The following TRABD2B variants were observed in gnomAD, a reference collection of about 807,000 sequenced individuals.
The protein encoded by TRABD2B is metalloprotease TIKI2.
In TRABD2B, 14 loss-of-function variants were observed where a neutral mutation model predicts 40.1. The observed-to-expected ratio is 0.35, with a 90% CI of 0.23 to 0.55. The LOEUF (loss-of-function observed/expected upper bound fraction) is 0.55, where lower values mean the gene tolerates loss of function less well. Among genes scored for constraint, TRABD2B ranks in the 20% least tolerant of loss-of-function variants. The pLI is 0.90. For synonymous variants in TRABD2B, 263 were observed against 277.0 expected, an observed-to-expected ratio of 0.95 and a Z score of 0.50; for missense variants, 541 against 648.6, an observed-to-expected ratio of 0.83 and a Z score of 1.80.
At chr1:47,852,322 T>G (rs937366196) in intron 2 of TRABD2B, among the ~76,000 whole-genome samples, 1 of 152,154 alleles carries the variant, frequency 6.6e-6, no homozygotes, top group Non-Finnish European at 1.5e-5. Flanking sequence ...AAGGCAGCCT[T>G]TGTTGCTGTT....
At position 47,778,491 on chromosome 1, in the gene TRABD2B, C is replaced by T; in HGVS notation, c.1042G>A (p.Glu348Lys). The change falls in exon 5 of 7, where the codon GAG becomes AAG. Residue 348 changes from glutamate (E) to lysine (K), a missense_variant. This residue lies in a region of TRABD2B where 369 missense variants were observed against 492.8 expected (regional missense o/e 0.75). Coordinates refer to ENST00000606738, the MANE Select transcript of TRABD2B (RefSeq NM_001194986.2). Reference protein sequence around the residue: ...VIDILRQAGLEVDHTPAGQAI... With the variant: ...VIDILRQAGLKVDHTPAGQAI... ...TGCCCGGCGGGTGTGTGGTCCACCTCCAGCCCTGCCTGCCGCAGGATGTCG... is the reference window on the plus strand; with the variant it reads ...TGCCCGGCGGGTGTGTGGTCCACCTTCAGCCCTGCCTGCCGCAGGATGTCG... 1 of 1,536,142 alleles carries T rather than the reference C, an allele frequency of 6.5e-7. No individual in the cohort carries two copies.
chr1:47,985,702 A>G (rs1169459059), intron 2 of TRABD2B, among the ~76,000 whole-genome samples: 1 of 152,242 alleles, frequency 6.6e-6, no homozygotes, highest in Admixed American at 6.5e-5. Flanking sequence ...AGTTCTTTCA[A>G]AAAACAATGC....
chr1:47,866,085 G>C (rs1557623398), intron 2 of TRABD2B, among the ~76,000 whole-genome samples: 2 of 152,018 alleles, frequency 1.3e-5, no homozygotes, highest in Non-Finnish European at 2.9e-5. Flanking sequence ...GAGCGCATTT[G>C]CACTGCCACT....
chr1:47,898,720 A>G (rs1644558331), intron 2 of TRABD2B, among the ~76,000 whole-genome samples: 1 of 152,162 alleles, frequency 6.6e-6, no homozygotes, highest in South Asian at 2.1e-4. Flanking sequence ...TTTGCTGCAC[A>G]AATGTTAATG....
At chr1:47,915,827 A>G (rs1384742972) in intron 2 of TRABD2B, among the ~76,000 whole-genome samples, 1 of 152,126 alleles carries the variant, frequency 6.6e-6, no homozygotes, top group Non-Finnish European at 1.5e-5. Context: ...GGAGCTGAAC[A>G]TGCAGGGTAA....
chr1:47,774,165 C>T (rs1044811955), intron 6 of TRABD2B, among the ~76,000 whole-genome samples: 6 of 152,096 alleles, frequency 3.9e-5, no homozygotes, highest in African/African-American at 1.2e-4. Flanking sequence ...ATGAGGTCTG[C>T]GGTGGGGCCT....
Position 47,873,382 on chromosome 1 carries a change from A to T in TRABD2B, c.667-71763T>A, listed in dbSNP as rs537045902. 1.1e-4 allele frequency among the ~76,000 whole-genome samples: 16 copies of T among 152,300 alleles called. 1 individual carries two copies. The highest frequency in any genetic ancestry group is 3.8e-4 in the African/African-American group (16 of 41,562). ...AGTGTCCACAATGTTGATGTCAGGTAGTCTTTATTTGCCTCTCTTTACCAA... is the reference window on the plus strand; with the variant it reads ...AGTGTCCACAATGTTGATGTCAGGTTGTCTTTATTTGCCTCTCTTTACCAA... On this transcript the variant is annotated intron_variant, in intron 2 of 6. Coordinates refer to ENST00000606738, the MANE Select transcript of TRABD2B (RefSeq NM_001194986.2).
chr1:47,862,026 T>C (rs1251193426), intron 2 of TRABD2B, among the ~76,000 whole-genome samples: 1 of 152,140 alleles, frequency 6.6e-6, no homozygotes, highest in African/African-American at 2.4e-5. Flanking sequence ...GTAAAAAAAG[T>C]ATTAGACAAA....
chr1:47,818,457 C>T (rs990243091), intron 2 of TRABD2B: 1 of 152,266 alleles, frequency 6.6e-6, no homozygotes, highest in Admixed American at 6.5e-5. Flanking sequence ...CTTGGGGCAC[C>T]AGTGTCCAAC....
At chr1:47,852,193 G>T (rs1645558815) in intron 2 of TRABD2B, among the ~76,000 whole-genome samples, 1 of 152,160 alleles carries the variant, frequency 6.6e-6, no homozygotes, top group African/African-American at 2.4e-5. Context: ...GCTCTGGAAT[G>T]AGAGCTGGGC....
chr1:47,771,946 G>A (rs913910894), intron 6 of TRABD2B, among the ~76,000 whole-genome samples: 2 of 152,138 alleles, frequency 1.3e-5, no homozygotes, highest in Non-Finnish European at 2.9e-5. Flanking sequence ...TCTCACACTC[G>A]CTCCCAGCCC....
intron 2 of TRABD2B, among the ~76,000 whole-genome samples, chr1:47,850,041 G>C (rs567327301): frequency 4.6e-5 from 7 of 152,172 alleles, no homozygotes; most frequent in Non-Finnish European, 5.9e-5. Context: ...TTGGGTCTTC[G>C]AGCTACTTGT....
chr1:47,994,400 G>A lies in TRABD2B; in HGVS notation c.300C>T (p.Cys100=), dbSNP rs1646059271. 1 of 1,536,056 alleles carries A rather than the reference G, an allele frequency of 6.5e-7. No individual in the cohort carries two copies. The highest frequency in any genetic ancestry group is 8.7e-7 in the Non-Finnish European group (1 of 1,146,928). Residue 100 remains cysteine (C), a synonymous_variant, in exon 2 of 7, where the codon TGC becomes TGT. Transcript: ENST00000606738. The surrounding 1 kb of genome is among the most constrained non-coding windows in gnomAD (Gnocchi z 6.7). ...GGTTTTCCCCGTGCGGCAGCAGCTG[G>A]CAGCTGGCCAGGGCCGAGATGGTGT... ...DPYTISALAS[C]QLLPHGENLQ...
chr1:47,967,591 A>T (rs1485532799), intron 2 of TRABD2B, among the ~76,000 whole-genome samples: 6 of 152,236 alleles, frequency 3.9e-5, no homozygotes, highest in Non-Finnish European at 8.8e-5. Context: ...AACAACCAAT[A>T]CACTGCAAAG....
chr1:47,794,247 C>T (rs533398787), intron 4 of TRABD2B, among the ~76,000 whole-genome samples: 10 of 152,302 alleles, frequency 6.6e-5, no homozygotes, highest in African/African-American at 2.4e-4. Flanking sequence ...CAGCCTTGCT[C>T]CTGGCTCTGT....
At chr1:47,773,028 G>A (rs974048500) in intron 6 of TRABD2B, among the ~76,000 whole-genome samples, 37 of 152,252 alleles carry the variant, frequency 2.4e-4, no homozygotes, top group African/African-American at 7.7e-4. Context: ...GAAGGAAGCC[G>A]TTTGGAGTCA....
chr1:47,814,024 T>C (rs1164014326), intron 2 of TRABD2B, among the ~76,000 whole-genome samples: 1 of 152,210 alleles, frequency 6.6e-6, no homozygotes, highest in Non-Finnish European at 1.5e-5. Flanking sequence ...CCAGCAAATG[T>C]GGGGGACCAC....
intron 2 of TRABD2B, among the ~76,000 whole-genome samples, chr1:47,901,611 C>G (rs577956297): frequency 6.6e-6 from 1 of 152,288 alleles, no homozygotes; most frequent in East Asian, 1.9e-4. Context: ...AAGACGTAGC[C>G]CCTGCACTCA....
At chr1:47,820,537 G>A (rs1331100123) in intron 2 of TRABD2B, among the ~76,000 whole-genome samples, 2 of 152,186 alleles carry the variant, frequency 1.3e-5, no homozygotes, top group African/African-American at 4.8e-5. Context: ...AGGAAGAAGT[G>A]GAAGCTCTCA....
Sources: gnomAD v4.1 joint callset for allele counts (sites outside exome capture counted in the v4.1 genomes callset) on GRCh38, gnomAD v4.1.1 for gene constraint, gnomAD v4.1.1 regional missense constraint, Gnocchi (gnomAD v3.1) non-coding constraint, MANE v1.5 for transcripts, NCBI Gene and HGNC (gene_info 2026-07-23, HGNC 2026-07-21) for gene names.